MAML3: variants seen among roughly 807,000 people sequenced by gnomAD.
MAML3 encodes mastermind-like protein 3.
In MAML3, 27 loss-of-function variants were observed where a neutral mutation model predicts 101.9. That is an observed-to-expected ratio of 0.27 (90% confidence interval 0.20 to 0.37). The LOEUF (loss-of-function observed/expected upper bound fraction) is 0.37, where lower values mean the gene tolerates loss of function less well. MAML3 is among the 10% of genes least tolerant of loss of function. MAML3 has a pLI of 1.00. For missense variants in MAML3, 1,316 were observed against 1,444.9 expected (o/e 0.91, Z 1.45); for synonymous variants, 501 against 555.9 (o/e 0.90, Z 1.39).
intron 1 of MAML3, among the ~76,000 whole-genome samples, chr4:140,101,010 G>A (rs1366982552): frequency 6.6e-6 from 1 of 152,134 alleles, no homozygotes; most frequent in African/African-American, 2.4e-5. Context: ...AGGCCCAGTG[G>A]GGAGCTCAGT....
intron 2 of MAML3, among the ~76,000 whole-genome samples, chr4:139,774,111 G>C (rs1001199632): frequency 8.5e-5 from 13 of 152,200 alleles, no homozygotes; most frequent in Non-Finnish European, 1.9e-4. Context: ...GAGCAGCAGA[G>C]CACCAGGACT....
At chr4:140,134,073 AC>A (rs1343434889) in intron 1 of MAML3, 2 of 455,416 alleles carry the variant, frequency 4.4e-6, no homozygotes, top group Admixed American at 4.7e-5. Flanking sequence ...TTGTATTAAA[AC>A]CTCCAGGACT....
intron 1 of MAML3, among the ~76,000 whole-genome samples, chr4:139,991,947 C>A (rs1226232997): frequency 6.6e-6 from 1 of 152,184 alleles, no homozygotes; most frequent in Non-Finnish European, 1.5e-5. Flanking sequence ...ATCATCACCA[C>A]AATCCAGTTT....
chr4:139,813,008 AGAATAG>A (rs2111114264), intron 2 of MAML3, among the ~76,000 whole-genome samples: 1 of 151,484 alleles, frequency 6.6e-6, no homozygotes, highest in South Asian at 2.1e-4. Flanking sequence ...CTATGAGTTA[AGAATAG>A]GATGGCATAA....
Position 140,153,437 on chromosome 4 carries a change from G to A in MAML3, c.-110C>T. On this transcript the variant is annotated 5_prime_UTR_variant, in exon 1 of 5. Coordinates refer to ENST00000509479, the MANE Select transcript of MAML3 (RefSeq NM_018717.5). The stretch of plus-strand genomic sequence containing the variant: ...AGTTTAAGTGGAACGCGGGGGAGAC[G>A]CAAGCACATGGATGGAAACGGCGAT... 1.7e-6 allele frequency: 2 copies of A among 1,193,994 alleles called. No individual in the cohort carries two copies. The highest frequency in any genetic ancestry group is 1.9e-5 in the South Asian group (1 of 53,214). 74.0% of individuals were successfully genotyped at this position (1,193,994 alleles called of 1,614,324 possible).
At chr4:140,151,211 GA>G (rs1409666469) in intron 1 of MAML3, among the ~76,000 whole-genome samples, 3 of 152,084 alleles carry the variant, frequency 2.0e-5, no homozygotes, top group African/African-American at 7.2e-5. Context: ...AAGGGAGGAG[GA>G]AGGGGAGGGG....
intron 2 of MAML3, among the ~76,000 whole-genome samples, chr4:139,848,157 G>A (rs536633321): frequency 6.6e-6 from 1 of 152,166 alleles, no homozygotes; most frequent in Non-Finnish European, 1.5e-5. Flanking sequence ...TAAACCATTA[G>A]TGGCTGATCA....
At chr4:139,800,196 T>C (rs1239764020) in intron 2 of MAML3, among the ~76,000 whole-genome samples, 3 of 152,166 alleles carry the variant, frequency 2.0e-5, no homozygotes, top group African/African-American at 7.2e-5. Context: ...GTAAATATTC[T>C]TGAATGTTCC....
chr4:139,956,841 G>C (rs536660949), intron 1 of MAML3, among the ~76,000 whole-genome samples: 4 of 152,190 alleles, frequency 2.6e-5, no homozygotes, highest in African/African-American at 9.7e-5. Flanking sequence ...ACAAAAGGTC[G>C]AGACACTCTG....
At chr4:140,027,066 A>G (rs936667439) in intron 1 of MAML3, among the ~76,000 whole-genome samples, 6 of 152,112 alleles carry the variant, frequency 3.9e-5, no homozygotes, top group Admixed American at 6.5e-5. Context: ...GAAAAAGGAA[A>G]AAAAAAAAAG....
chr4:139,780,884 T>C (rs6817641), intron 2 of MAML3, among the ~76,000 whole-genome samples: 52,639 of 151,968 alleles, frequency 0.35, 9,276 homozygotes, highest in Admixed American at 0.36. Flanking sequence ...TCGCCTTGGC[T>C]GCCCAAAGTG....
chr4:140,064,736 C>G (rs1178154064), intron 1 of MAML3, among the ~76,000 whole-genome samples: 2 of 152,178 alleles, frequency 1.3e-5, no homozygotes, highest in African/African-American at 2.4e-5. Flanking sequence ...GAAGAACTCG[C>G]CTTCCTTCTC....
chr4:139,742,524 G>A lies in MAML3; in HGVS notation c.2080-11857C>T, dbSNP rs116757960. On this transcript the variant is annotated intron_variant, in intron 2 of 4. Transcript: ENST00000509479. ...CAGCAGTGCTTGGCTTATAGTAGGC[G>A]CTCATAAAGGTTTGCTCTTAGTATC... Among the ~76,000 whole-genome samples the A allele has an allele frequency of 8.8e-3, 1,333 of 152,270 alleles. 12 individuals are homozygous for A. The highest frequency in any genetic ancestry group is 0.029 in the African/African-American group (1,187 of 41,546).
chr4:140,011,621 G>A (rs946665799), intron 1 of MAML3, among the ~76,000 whole-genome samples: 1 of 151,966 alleles, frequency 6.6e-6, no homozygotes, highest in Non-Finnish European at 1.5e-5. Context: ...TGGGATTACA[G>A]GCGTGAGCCA....
intron 1 of MAML3, among the ~76,000 whole-genome samples, chr4:139,946,811 T>C (rs1733735654): frequency 6.6e-6 from 1 of 151,822 alleles, no homozygotes. Flanking sequence ...ACTACACTTC[T>C]AAAACTACCT....
At chr4:139,792,889 C>A (rs879758674) in intron 2 of MAML3, among the ~76,000 whole-genome samples, 1 of 151,906 alleles carries the variant, frequency 6.6e-6, no homozygotes, top group Non-Finnish European at 1.5e-5. Context: ...GGACTATAGG[C>A]GCCCACCACC....
At chr4:140,137,040 C>G (rs57050903) in intron 1 of MAML3, among the ~76,000 whole-genome samples, 1,729 of 152,362 alleles carry the variant, frequency 0.011, 33 homozygotes, top group African/African-American at 0.037. Flanking sequence ...CCAGGCTGGA[C>G]TGCAGTGGCG....
At chr4:140,035,831 A>C (rs987135565) in intron 1 of MAML3, among the ~76,000 whole-genome samples, 1 of 152,046 alleles carries the variant, frequency 6.6e-6, no homozygotes, top group Non-Finnish European at 1.5e-5. Context: ...AATAAAGTTT[A>C]GCACCAAATT....
intron 2 of MAML3, among the ~76,000 whole-genome samples, chr4:139,830,484 G>A (rs1318488950): frequency 8.4e-5 from 12 of 143,102 alleles, no homozygotes; most frequent in Non-Finnish European, 1.8e-4. Context: ...GTGCGATCTC[G>A]GCTCACTGCA....
Sources: gnomAD v4.1 joint callset for allele counts (sites outside exome capture counted in the v4.1 genomes callset) on GRCh38, gnomAD v4.1.1 for gene constraint, MANE v1.5 for transcripts, NCBI Gene and HGNC (gene_info 2026-07-23, HGNC 2026-07-21) for gene names.